Variants in CHCHD3 observed in about 807,000 individuals in gnomAD.
The protein encoded by CHCHD3 is coiled-coil-helix-coiled-coil-helix domain containing 3.
Under a neutral mutation model 38.2 loss-of-function variants are expected in CHCHD3, and 20 were observed. The ratio of observed to expected loss-of-function variants is 0.52; its 90% confidence interval spans 0.37 to 0.76. The LOEUF (loss-of-function observed/expected upper bound fraction) is 0.76, where lower values mean the gene tolerates loss of function less well. CHCHD3 is among the 30% of genes least tolerant of loss of function. The pLI is 0.00. For synonymous variants in CHCHD3, 82 were observed against 100.0 expected, an observed-to-expected ratio of 0.82 and a Z score of 1.07; for missense variants, 245 against 279.2, an observed-to-expected ratio of 0.88 and a Z score of 0.87.
At chr7:132,870,316 C>T (rs1808734958) in intron 5 of CHCHD3, among the ~76,000 whole-genome samples, 1 of 146,222 alleles carries the variant, frequency 6.8e-6, no homozygotes, top group South Asian at 2.2e-4. Flanking sequence ...CGCCACTGTA[C>T]TCCAGCCTGG....
chr7:133,076,660 T>C (rs995272992), intron 1 of CHCHD3, among the ~76,000 whole-genome samples: 4 of 152,136 alleles, frequency 2.6e-5, no homozygotes, highest in Non-Finnish European at 4.4e-5. Flanking sequence ...TTTGGTCTTA[T>C]CCAAAATCCG....
intron 5 of CHCHD3, among the ~76,000 whole-genome samples, chr7:132,868,558 G>T (rs10488211): frequency 0.31 from 47,292 of 151,934 alleles, 7,968 homozygotes; most frequent in Non-Finnish European, 0.38. Flanking sequence ...GCTCTTTGGT[G>T]AGTCCTTTTA....
chr7:133,061,534 C>T (rs2117521166), intron 2 of CHCHD3, among the ~76,000 whole-genome samples: 1 of 151,628 alleles, frequency 6.6e-6, no homozygotes. Context: ...AGGAAAGCAG[C>T]TGCACTCACT....
At chr7:132,836,551 C>T (rs1401260476) in intron 6 of CHCHD3, among the ~76,000 whole-genome samples, 1 of 152,132 alleles carries the variant, frequency 6.6e-6, no homozygotes, top group Non-Finnish European at 1.5e-5. Context: ...ACAATCATAG[C>T]TCACTGCAGT....
intron 3 of CHCHD3, among the ~76,000 whole-genome samples, chr7:133,014,018 C>T (rs1016657898): frequency 7.2e-5 from 11 of 152,086 alleles, no homozygotes; most frequent in African/African-American, 2.4e-4. Flanking sequence ...AACTAGTAGA[C>T]ACTTGTCACA....
chr7:132,828,435 C>T (rs1032085029), intron 6 of CHCHD3, among the ~76,000 whole-genome samples: 1 of 152,050 alleles, frequency 6.6e-6, no homozygotes, highest in Admixed American at 6.6e-5. Context: ...AAAAATTTTC[C>T]TAATGATGTC....
At chr7:132,862,698 A>G (rs1007099656) in intron 5 of CHCHD3, among the ~76,000 whole-genome samples, 5 of 152,224 alleles carry the variant, frequency 3.3e-5, no homozygotes, top group Non-Finnish European at 5.9e-5. Context: ...ACTTCTTTCA[A>G]AATTCAAAAT....
intron 6 of CHCHD3, among the ~76,000 whole-genome samples, chr7:132,820,378 G>A (rs143736225): frequency 2.6e-5 from 4 of 152,280 alleles, no homozygotes; most frequent in Admixed American, 6.5e-5. Flanking sequence ...TCAGTTGTGG[G>A]TATTAGGATT....
intron 2 of CHCHD3, among the ~76,000 whole-genome samples, chr7:133,063,442 C>T (rs1489778225): frequency 6.6e-6 from 1 of 152,208 alleles, no homozygotes; most frequent in African/African-American, 2.4e-5. Flanking sequence ...CATTCACCTT[C>T]CCTGCTCAGA....
chr7:132,939,340 C>G (rs545315810), intron 4 of CHCHD3, among the ~76,000 whole-genome samples: 14 of 152,296 alleles, frequency 9.2e-5, no homozygotes, highest in African/African-American at 3.4e-4. Context: ...GTCCTGCAAG[C>G]TCCATTCATG....
rs575295982 is a variant in CHCHD3 at position 132,914,265 on chromosome 7, G to A, written c.370-28520C>T. Among the ~76,000 whole-genome samples, 23 of 152,160 alleles carry A rather than the reference G, an allele frequency of 1.5e-4. 1 individual carries two copies. Among genetic ancestry groups the A allele is most frequent in the African/African-American group, 5.5e-4 (23 of 41,546 alleles). ...GGCCTCCCAAAGTGCCGGGATTACAGGCATGAGCCGACACACCCGGCCTAA... is the reference window on the plus strand; with the variant it reads ...GGCCTCCCAAAGTGCCGGGATTACAAGCATGAGCCGACACACCCGGCCTAA... On this transcript the variant is annotated intron_variant, in intron 4 of 7. Coordinates refer to ENST00000262570, the MANE Select transcript of CHCHD3 (RefSeq NM_017812.4).
chr7:132,932,950 C>T (rs1429673798), intron 4 of CHCHD3, among the ~76,000 whole-genome samples: 1 of 152,120 alleles, frequency 6.6e-6, no homozygotes, highest in Non-Finnish European at 1.5e-5. Context: ...CTGATCTTGT[C>T]TGTTTTGTGT....
Position 133,035,733 on chromosome 7 carries a change from C to T in CHCHD3, c.170-11106G>A. The T allele has an allele frequency of 6.2e-7, 1 of 1,613,368 alleles. No individual in the cohort carries two copies. The highest frequency in any genetic ancestry group is 8.5e-7 in the Non-Finnish European group (1 of 1,179,408). On this transcript the variant is annotated intron_variant, in intron 2 of 7. Coordinates refer to ENST00000262570, the MANE Select transcript of CHCHD3 (RefSeq NM_017812.4). This position sits in a 1 kb window ranked among gnomAD's most constrained non-coding sequence, Gnocchi z 4.7. ...CTCAAACACACAGAATCCATCATCA[C>T]CCTCAAATGCTGGGACCTTGCCGGC...
At chr7:132,987,902 T>C (rs767938475) in intron 3 of CHCHD3, among the ~76,000 whole-genome samples, 9 of 152,208 alleles carry the variant, frequency 5.9e-5, no homozygotes, top group Non-Finnish European at 7.3e-5. Context: ...TGAAGACCTT[T>C]ATGATTATCT....
intron 4 of CHCHD3, among the ~76,000 whole-genome samples, chr7:132,924,167 GT>G (rs1287238348): frequency 6.6e-6 from 1 of 152,168 alleles, no homozygotes; most frequent in Non-Finnish European, 1.5e-5. Flanking sequence ...AGTCAGAAGG[GT>G]AAGATTAGGT....
intron 4 of CHCHD3, among the ~76,000 whole-genome samples, chr7:132,927,538 AG>A (rs1810405470): frequency 6.6e-6 from 1 of 152,248 alleles, no homozygotes; most frequent in African/African-American, 2.4e-5. Flanking sequence ...GCTGCTGTTA[AG>A]TTAGATGGAA....
intron 2 of CHCHD3, among the ~76,000 whole-genome samples, chr7:133,027,363 AAGAGAG>A (rs371411456): frequency 1.3e-4 from 17 of 133,880 alleles, no homozygotes; most frequent in African/African-American, 2.5e-4. Context: ...AATAAGTTGT[AAGAGAG>A]AGAGAGAGAG....
At chr7:132,906,265 T>C (rs1809802877) in intron 4 of CHCHD3, among the ~76,000 whole-genome samples, 1 of 152,240 alleles carries the variant, frequency 6.6e-6, no homozygotes, top group Non-Finnish European at 1.5e-5. Flanking sequence ...ATCCTTGCCA[T>C]TTGTCACTTT....
intron 4 of CHCHD3, among the ~76,000 whole-genome samples, chr7:132,965,720 G>A (rs1194723145): frequency 6.6e-6 from 1 of 152,210 alleles, no homozygotes; most frequent in African/African-American, 2.4e-5. Context: ...AGCAGAAAAT[G>A]TATATGAGTA....
Sources: gnomAD v4.1 joint callset for allele counts (sites outside exome capture counted in the v4.1 genomes callset) on GRCh38, gnomAD v4.1.1 for gene constraint, Gnocchi (gnomAD v3.1) non-coding constraint, MANE v1.5 for transcripts, NCBI Gene and HGNC (gene_info 2026-07-23, HGNC 2026-07-21) for gene names.